The following NAALADL2 variants were observed in gnomAD, a reference collection of about 807,000 sequenced individuals.
NAALADL2 encodes N-acetylated alpha-linked acidic dipeptidase like 2, also known as inactive N-acetylated-alpha-linked acidic dipeptidase-like protein 2.
NAALADL2 carries 76 observed loss-of-function variants against 87.2 expected under a neutral mutation model. The observed-to-expected ratio is 0.87, with a 90% CI of 0.72 to 1.05. The LOEUF (loss-of-function observed/expected upper bound fraction) is 1.05. NAALADL2 is among the 50% of genes least tolerant of loss of function. The pLI is 0.00. For missense variants in NAALADL2, 1,089 were observed against 945.8 expected (o/e 1.15, Z -1.99); for synonymous variants, 354 against 331.0 (o/e 1.07, Z -0.75).
At chr3:175,027,582 T>C (rs1752361670) in intron 1 of NAALADL2, among the ~76,000 whole-genome samples, 1 of 152,138 alleles carries the variant, frequency 6.6e-6, no homozygotes, top group South Asian at 2.1e-4. Context: ...TTAGAATGAC[T>C]TAAGCATTCA....
intron 10 of NAALADL2, among the ~76,000 whole-genome samples, chr3:175,595,651 G>A (rs567268531): frequency 6.6e-6 from 1 of 151,990 alleles, no homozygotes; most frequent in African/African-American, 2.4e-5. Context: ...CAGCCACAGA[G>A]AAAATGAAAA....
chr3:174,670,023 GATTT>G (rs1219817187), intron 2 of NAALADL2, among the ~76,000 whole-genome samples: 13 of 151,746 alleles, frequency 8.6e-5, no homozygotes, highest in African/African-American at 2.7e-4. Flanking sequence ...GTATTTTATT[GATTT>G]ATTTTTCTGA....
intron 9 of NAALADL2, among the ~76,000 whole-genome samples, chr3:175,575,830 G>A (rs1450608224): frequency 6.6e-6 from 1 of 152,132 alleles, no homozygotes; most frequent in Non-Finnish European, 1.5e-5. Context: ...GCTTCAGTGA[G>A]CGTCAGAATC....
intron 1 of NAALADL2, among the ~76,000 whole-genome samples, chr3:174,932,228 C>A (rs1916241): frequency 0.33 from 49,660 of 151,984 alleles, 8,929 homozygotes; most frequent in East Asian, 0.46. Flanking sequence ...GCTAGGATAT[C>A]TCTAACAGCA....
rs75744086 is a variant in NAALADL2, at chr3:175,077,030, G to A, written c.44-19760G>A. Among the ~76,000 whole-genome samples the A allele has an allele frequency of 8.5e-3, 1,298 of 152,186 alleles. 16 individuals are homozygous for A. The highest frequency in any genetic ancestry group is 0.03 in the African/African-American group (1,240 of 41,528). ...CTTTGTCTTTTAATGACCCTCAGTG[G>A]ATACTGAATGAAAGGTAAATTAAAG... On this transcript the variant is annotated intron_variant, in intron 1 of 13. Coordinates refer to ENST00000454872, the MANE Select transcript of NAALADL2 (RefSeq NM_207015.3).
chr3:175,724,545 T>A (rs537225397), intron 11 of NAALADL2, among the ~76,000 whole-genome samples: 1 of 152,274 alleles, frequency 6.6e-6, no homozygotes, highest in Non-Finnish European at 1.5e-5. Context: ...GGATGCAATC[T>A]GCAATAACAT....
At chr3:174,551,861 T>C (rs183400306) in intron 2 of NAALADL2, among the ~76,000 whole-genome samples, 4 of 152,322 alleles carry the variant, frequency 2.6e-5, no homozygotes, top group Admixed American at 2.0e-4. Context: ...CTGAAATCTA[T>C]TTTGAAAGGC....
At chr3:174,802,139 A>G (rs1185018011) in intron 3 of NAALADL2, among the ~76,000 whole-genome samples, 3 of 152,020 alleles carry the variant, frequency 2.0e-5, no homozygotes, top group Non-Finnish European at 4.4e-5. Flanking sequence ...CTAACAATAT[A>G]TTAAACAATA....
chr3:175,285,311 T>C (rs556085354), intron 4 of NAALADL2, among the ~76,000 whole-genome samples: 3 of 152,318 alleles, frequency 2.0e-5, no homozygotes, highest in South Asian at 2.1e-4. Context: ...ATAGGTACAT[T>C]GCACAGAATA....
At chr3:175,431,229 G>A (rs539540610) in intron 5 of NAALADL2, among the ~76,000 whole-genome samples, 1 of 152,104 alleles carries the variant, frequency 6.6e-6, no homozygotes, top group East Asian at 1.9e-4. Flanking sequence ...TTTGATTTGT[G>A]TATCTCTGTA....
At chr3:174,603,883 T>G (rs1336273105) in intron 2 of NAALADL2, among the ~76,000 whole-genome samples, 1 of 152,160 alleles carries the variant, frequency 6.6e-6, no homozygotes, top group Non-Finnish European at 1.5e-5. Flanking sequence ...AAAATTCCTT[T>G]TGTTATTCAT....
chr3:175,647,570 G>A (rs1338944912), intron 11 of NAALADL2, among the ~76,000 whole-genome samples: 1 of 152,106 alleles, frequency 6.6e-6, no homozygotes, highest in Non-Finnish European at 1.5e-5. Flanking sequence ...CTCTTAGATA[G>A]AGGACTGGAA....
Position 175,532,953 on chromosome 3 carries a change from T to G in NAALADL2, c.1654-43088T>G, listed in dbSNP as rs1476118265. On this transcript the variant is annotated intron_variant, in intron 9 of 13. Coordinates refer to ENST00000454872, the MANE Select transcript of NAALADL2 (RefSeq NM_207015.3). ...AGTAGGTCTGAAGTGACTAATCCACTCCATCATCCCAATCTCCCTAAGCCT... is the reference window on the plus strand; with the variant it reads ...AGTAGGTCTGAAGTGACTAATCCACGCCATCATCCCAATCTCCCTAAGCCT... Among the ~76,000 whole-genome samples the G allele has an allele frequency of 2.0e-5, 3 of 152,308 alleles. No homozygotes were observed. The East Asian group carries it at 5.8e-4, about 29-fold the overall frequency.
At chr3:174,919,991 A>C (rs1734932337) in intron 1 of NAALADL2, among the ~76,000 whole-genome samples, 1 of 152,216 alleles carries the variant, frequency 6.6e-6, no homozygotes, top group Non-Finnish European at 1.5e-5. Context: ...TTTTCTGAGC[A>C]ATAGGTCTCG....
chr3:174,720,969 ATATTTTCAACTTCAGCAGAC>A (rs1560171624), intron 2 of NAALADL2, among the ~76,000 whole-genome samples: 1 of 152,240 alleles, frequency 6.6e-6, no homozygotes, highest in Non-Finnish European at 1.5e-5. Flanking sequence ...ACTAATTTCA[ATATTTTCAACTTCAGCAGAC>A]TGTTGTTGAA....
intron 4 of NAALADL2, among the ~76,000 whole-genome samples, chr3:175,288,429 C>G (rs902476654): frequency 1.3e-5 from 2 of 152,182 alleles, no homozygotes; most frequent in Non-Finnish European, 2.9e-5. Flanking sequence ...TCTAGGTACC[C>G]CATAGCCCAG....
intron 9 of NAALADL2, among the ~76,000 whole-genome samples, chr3:175,475,066 T>C (rs965427921): frequency 1.3e-5 from 2 of 148,764 alleles, no homozygotes; most frequent in Non-Finnish European, 1.5e-5. Flanking sequence ...TGTATATATT[T>C]GTGTATTATA....
At chr3:174,692,672 A>G (rs1480186909) in intron 2 of NAALADL2, among the ~76,000 whole-genome samples, 2 of 152,112 alleles carry the variant, frequency 1.3e-5, no homozygotes, top group Admixed American at 1.3e-4. Context: ...ACTAGGACAA[A>G]TTACTAAGCC....
intron 9 of NAALADL2, among the ~76,000 whole-genome samples, chr3:175,495,112 T>C (rs1385438260): frequency 9.5e-5 from 14 of 146,786 alleles, no homozygotes; most frequent in Admixed American, 8.9e-4. Context: ...AATTTTAGAT[T>C]ATTTCTAGAT....
Sources: gnomAD v4.1 joint callset for allele counts (sites outside exome capture counted in the v4.1 genomes callset) on GRCh38, gnomAD v4.1.1 for gene constraint, MANE v1.5 for transcripts, NCBI Gene and HGNC (gene_info 2026-07-23, HGNC 2026-07-21) for gene names.